The following CEP63 variants were observed in gnomAD, a reference collection of about 807,000 sequenced individuals.
The protein encoded by CEP63 is centrosomal protein of 63 kDa.
A neutral mutation model predicts 89.1 loss-of-function variants in CEP63; 84 were observed. That is an observed-to-expected ratio of 0.94 (90% CI 0.79 to 1.13). The LOEUF is 1.13. Ranked by LOEUF, CEP63 falls within the 50% of genes most tolerant of loss-of-function variation. The pLI is 0.00. For missense variants in CEP63, 838 were observed against 813.3 expected, an observed-to-expected ratio of 1.03 and a Z score of -0.37; for synonymous variants, 267 against 272.5, an observed-to-expected ratio of 0.98 and a Z score of 0.20.
chr3:134,773,924 T>G, the CEP63 span, among the ~76,000 whole-genome samples: 2 of 152,210 alleles, frequency 1.3e-5, no homozygotes, highest in African/African-American at 4.8e-5. Context: ...TCTCTCTCAG[T>G]AGAGTTTAAC....
chr3:134,654,706 G>A, the CEP63 span, among the ~76,000 whole-genome samples: 7 of 152,178 alleles, frequency 4.6e-5, no homozygotes, highest in South Asian at 1.4e-3. Flanking sequence ...AAACCCCTTT[G>A]GACTTCCCTG....
the CEP63 span, among the ~76,000 whole-genome samples, chr3:134,624,686 C>A: frequency 4.6e-5 from 7 of 152,226 alleles, no homozygotes; most frequent in African/African-American, 1.4e-4. Flanking sequence ...TCCTCCCATC[C>A]TCTCCTCCCT....
chr3:134,695,566 A>G, the CEP63 span, among the ~76,000 whole-genome samples: 1 of 152,154 alleles, frequency 6.6e-6, no homozygotes, highest in East Asian at 1.9e-4. Context: ...GCTATGCCAC[A>G]TGTGCTGGCT....
At chr3:134,734,215 A>C in the CEP63 span, among the ~76,000 whole-genome samples, 1 of 152,210 alleles carries the variant, frequency 6.6e-6, no homozygotes, top group Non-Finnish European at 1.5e-5. Flanking sequence ...TGAAACCTGG[A>C]AACAGCCGAA....
the CEP63 span, among the ~76,000 whole-genome samples, chr3:134,721,118 C>T: frequency 6.6e-6 from 1 of 152,066 alleles, no homozygotes; most frequent in African/African-American, 2.4e-5. Flanking sequence ...TGTCTTTCCA[C>T]TTATTTAGCT....
chr3:134,557,007 G>A (rs541174698), intron 12 of CEP63, among the ~76,000 whole-genome samples: 3 of 152,242 alleles, frequency 2.0e-5, no homozygotes, highest in South Asian at 4.1e-4. Flanking sequence ...TACATATTAT[G>A]AAGAATAATT....
At chr3:134,703,882 G>C in the CEP63 span, among the ~76,000 whole-genome samples, 3 of 152,120 alleles carry the variant, frequency 2.0e-5, no homozygotes, top group African/African-American at 7.2e-5. Flanking sequence ...CCTGCCAAAG[G>C]CTTCTAAATC....
chr3:134,580,308 G>A (rs1958315545), intron 10 of CEP63, among the ~76,000 whole-genome samples: 3 of 152,158 alleles, frequency 2.0e-5, no homozygotes, highest in Admixed American at 6.6e-5. Flanking sequence ...CTGGGGCTGT[G>A]GGTGGGTATG....
chr3:134,564,642 G>C lies in CEP63; in HGVS notation c.*3107G>C. 2 of 985,350 alleles carry C rather than the reference G, an allele frequency of 2.0e-6. No individual in the cohort carries two copies. The highest frequency in any genetic ancestry group is 2.4e-6 in the Non-Finnish European group (2 of 829,890). The allele number at this position is 985,350 out of a possible 1,614,324, so 61.0% of individuals were successfully genotyped here. A position where few individuals can be genotyped will look rare whatever the true frequency, so the allele number is the denominator to read the frequency against. On this transcript the variant is annotated 3_prime_UTR_variant, in exon 15 of 15. Coordinates refer to ENST00000675561, the MANE Select transcript of CEP63 (RefSeq NM_001353108.3). ...GTAAAACTGAAATAATATCTAATGGGGTCGAGAAGATTTACTGAAAATATA... is the reference window on the plus strand; with the variant it reads ...GTAAAACTGAAATAATATCTAATGGCGTCGAGAAGATTTACTGAAAATATA...
the CEP63 span, chr3:134,643,303 G>A: frequency 3.1e-6 from 5 of 1,613,356 alleles, no homozygotes. Flanking sequence ...ACGGCTAGCG[G>A]CGAATCACTT....
chr3:134,580,887 C>T (rs1243515851), intron 10 of CEP63, among the ~76,000 whole-genome samples: 1 of 152,112 alleles, frequency 6.6e-6, no homozygotes, highest in Admixed American at 6.5e-5. Flanking sequence ...ATTGAGGTAG[C>T]CAATGTAATT....
At chr3:134,734,731 T>C in the CEP63 span, among the ~76,000 whole-genome samples, 6 of 152,212 alleles carry the variant, frequency 3.9e-5, no homozygotes, top group East Asian at 1.2e-3. Flanking sequence ...ATGGTATTTA[T>C]GTTCTATAAA....
chr3:134,697,105 G>A, the CEP63 span, among the ~76,000 whole-genome samples: 2 of 152,206 alleles, frequency 1.3e-5, no homozygotes, highest in Non-Finnish European at 2.9e-5. Context: ...CTCCCTTGAG[G>A]AATTATTGAG....
the CEP63 span, among the ~76,000 whole-genome samples, chr3:134,627,470 C>G: frequency 6.6e-6 from 1 of 152,164 alleles, no homozygotes; most frequent in Non-Finnish European, 1.5e-5. Context: ...TTAACATAAT[C>G]CTGAATTACG....
At chr3:134,603,805 C>T in the CEP63 span, 1 of 1,613,758 alleles carries the variant, frequency 6.2e-7, no homozygotes, top group Non-Finnish European at 8.5e-7. Flanking sequence ...AGGAAGCACA[C>T]CTGACAGAGG....
At chr3:134,503,870 G>A (rs551584394) in intron 2 of CEP63, among the ~76,000 whole-genome samples, 1 of 71,760 alleles carries the variant, frequency 1.4e-5, no homozygotes, top group East Asian at 5.6e-4. Context: ...CAGTTTATGC[G>A]TGTCTTTACA....
At chr3:134,750,014 A>C in the CEP63 span, among the ~76,000 whole-genome samples, 1 of 152,202 alleles carries the variant, frequency 6.6e-6, no homozygotes, top group Admixed American at 6.5e-5. Flanking sequence ...CATTGGAAGC[A>C]AGGGGCGCTA....
At chr3:134,488,342 G>A (rs988821576) in intron 1 of CEP63, among the ~76,000 whole-genome samples, 1 of 152,126 alleles carries the variant, frequency 6.6e-6, no homozygotes, top group African/African-American at 2.4e-5. Flanking sequence ...GGCCGGGCGC[G>A]GTGACTCACG....
In CEP63 at chr3:134,546,137, A is replaced by G. The variant is rs891689439; in HGVS notation, c.790-12A>G. On this transcript the variant is annotated splice_polypyrimidine_tract_variant and intron_variant, in intron 7 of 14. Transcript: ENST00000675561. ...AGAAGGAAAATTATAATCATATTTG[A>G]CTTTTTTGCAGGCTCTGCAGGAAGA... The G allele has an allele frequency of 6.8e-6, 11 of 1,613,232 alleles. No individual in the cohort carries two copies. In the African/African-American group the frequency reaches 1.1e-4, roughly 16 times the overall value.
Sources: gnomAD v4.1 joint callset for allele counts (sites outside exome capture counted in the v4.1 genomes callset) on GRCh38, gnomAD v4.1.1 for gene constraint, MANE v1.5 for transcripts, NCBI Gene and HGNC (gene_info 2026-07-23, HGNC 2026-07-21) for gene names.